KAZN: variants seen among roughly 807,000 people sequenced by gnomAD.
The protein encoded by KAZN is kazrin, periplakin interacting protein.
A neutral mutation model predicts 87.4 loss-of-function variants in KAZN; 40 were observed. The observed-to-expected ratio is 0.46, with a 90% CI of 0.36 to 0.60. The LOEUF is 0.60. Among genes scored for constraint, KAZN ranks in the 20% least tolerant of loss-of-function variants. The pLI, the probability that KAZN is intolerant of heterozygous loss-of-function variation, is 0.00. For missense variants in KAZN, 898 were observed against 1,073.9 expected (o/e 0.84, Z 2.29); for synonymous variants, 466 against 458.3 (o/e 1.02, Z -0.22).
Position 14,008,148 on chromosome 1 carries a change from C to A in KAZN, c.91+114392C>A, listed in dbSNP as rs186329510. On this transcript the variant is annotated intron_variant, in intron 1 of 16. Transcript: ENST00000636203. ...GCTCCCAACCCCTGTGTTTAATGTT[C>A]ATTTTCTGACCTGAAATTTGAGTTG... Among the ~76,000 whole-genome samples the A allele has an allele frequency of 1.0e-3, 159 of 152,256 alleles. 1 individual carries two copies. The highest frequency in any genetic ancestry group is 3.8e-3 in the African/African-American group (156 of 41,546).
intron 2 of KAZN, among the ~76,000 whole-genome samples, chr1:14,571,178 C>T (rs940223033): frequency 1.3e-5 from 2 of 151,438 alleles, no homozygotes; most frequent in African/African-American, 4.9e-5. Flanking sequence ...CTTGTAGAAA[C>T]GTACATAGAA....
chr1:14,845,331 G>A (rs543069361), intron 1 of KAZN, among the ~76,000 whole-genome samples: 129 of 150,120 alleles, frequency 8.6e-4, no homozygotes, highest in African/African-American at 2.4e-3. Flanking sequence ...GTGGATGGAC[G>A]GATGGATGGA....
intron 1 of KAZN, among the ~76,000 whole-genome samples, chr1:14,032,024 G>T (rs894520278): frequency 2.0e-5 from 3 of 152,174 alleles, no homozygotes; most frequent in Non-Finnish European, 4.4e-5. Flanking sequence ...CTGGCTGGCT[G>T]TTAAAAGATC....
At chr1:14,883,347 A>G (rs1176260122) in intron 1 of KAZN, among the ~76,000 whole-genome samples, 12 of 33,108 alleles carry the variant, frequency 3.6e-4, no homozygotes, top group African/African-American at 4.5e-4. Flanking sequence ...AGAGAGAAAG[A>G]AAGAAAGAAA....
rs1157025483 is a variant in KAZN at position 14,773,030 on chromosome 1, C to G, written c.226+173807C>G. 6.6e-6 allele frequency among the ~76,000 whole-genome samples: 1 copy of G among 152,072 alleles called. No individual in the cohort carries two copies. On this transcript the variant is annotated intron_variant, in intron 1 of 14. Coordinates refer to ENST00000376030, the MANE Select transcript of KAZN (RefSeq NM_201628.3). The surrounding 1 kb of genome is among the most constrained non-coding windows in gnomAD (Gnocchi z 5.9). ...GAATGGTATGAATGTCCACAGGCGG[C>G]CTCTTCATGGGGGTCTCAGGAAATG...
chr1:15,100,677 T>C (rs1214870848), intron 10 of KAZN, among the ~76,000 whole-genome samples: 2 of 152,220 alleles, frequency 1.3e-5, no homozygotes, highest in Non-Finnish European at 2.9e-5. Context: ...CAAGGAAATC[T>C]GAGACCTGGC....
intron 2 of KAZN, among the ~76,000 whole-genome samples, chr1:14,380,922 T>C (rs1661312204): frequency 6.6e-6 from 1 of 152,154 alleles, no homozygotes; most frequent in Non-Finnish European, 1.5e-5. Context: ...CATCAAGGCA[T>C]TTAATAATCA....
intron 2 of KAZN, among the ~76,000 whole-genome samples, chr1:14,262,745 T>G (rs893852759): frequency 1.3e-5 from 2 of 152,216 alleles, no homozygotes; most frequent in Non-Finnish European, 2.9e-5. Context: ...GAGCCATTTC[T>G]CCAGCTATCT....
At chr1:14,148,802 C>G (rs1189328249) in intron 1 of KAZN, among the ~76,000 whole-genome samples, 1 of 152,128 alleles carries the variant, frequency 6.6e-6, no homozygotes, top group Non-Finnish European at 1.5e-5. Context: ...CCCCAAAATG[C>G]CAGGATTTCT....
At chr1:13,966,278 C>T (rs1342718096) in intron 1 of KAZN, among the ~76,000 whole-genome samples, 1 of 152,126 alleles carries the variant, frequency 6.6e-6, no homozygotes, top group African/African-American at 2.4e-5. Context: ...ACAGCAATAG[C>T]GATAGGAGGC....
intron 1 of KAZN, among the ~76,000 whole-genome samples, chr1:14,626,166 T>C (rs1260919969): frequency 6.6e-6 from 1 of 152,204 alleles, no homozygotes; most frequent in Non-Finnish European, 1.5e-5. Flanking sequence ...TTAGAGGCCT[T>C]TTATTCTGTC....
intron 1 of KAZN, among the ~76,000 whole-genome samples, chr1:14,615,170 A>G (rs568569170): frequency 2.0e-5 from 3 of 152,312 alleles, no homozygotes; most frequent in South Asian, 2.1e-4. Context: ...GAAGCACTCT[A>G]TGATTGACAG....
intron 1 of KAZN, among the ~76,000 whole-genome samples, chr1:14,081,209 A>G: frequency 6.6e-6 from 1 of 152,098 alleles, no homozygotes; most frequent in Non-Finnish European, 1.5e-5. Flanking sequence ...TTAGTTGTCA[A>G]TTAAATTTAG....
intron 1 of KAZN, among the ~76,000 whole-genome samples, chr1:14,750,688 CTTG>C (rs1417388600): frequency 6.6e-6 from 1 of 151,954 alleles, no homozygotes; most frequent in African/African-American, 2.4e-5. Flanking sequence ...AATTCCTAGA[CTTG>C]TTAATTACTC....
chr1:14,206,669 C>T (rs1018080933), intron 2 of KAZN, among the ~76,000 whole-genome samples: 4 of 150,144 alleles, frequency 2.7e-5, no homozygotes, highest in Non-Finnish European at 3.0e-5. Context: ...TACCCAGTAC[C>T]ATCCCTTTTA....
At chr1:14,683,966 G>C (rs1640819379) in intron 1 of KAZN, among the ~76,000 whole-genome samples, 1 of 152,144 alleles carries the variant, frequency 6.6e-6, no homozygotes, top group Admixed American at 6.5e-5. Context: ...TGGAGTATTT[G>C]TATTTCTTCT....
At position 14,338,284 on chromosome 1, in the gene KAZN, G is replaced by A. The variant is rs544142180; in HGVS notation, c.249+157692G>A. ...AGGTCAGGAGCTTGAGACTAGCCTGGCCAACATGGCGAAACCCCATCTCCA... is the reference window on the plus strand; with the variant it reads ...AGGTCAGGAGCTTGAGACTAGCCTGACCAACATGGCGAAACCCCATCTCCA... On this transcript the variant is annotated intron_variant, in intron 2 of 16. Coordinates refer to the KAZN transcript ENST00000636203. 1.0e-3 allele frequency among the ~76,000 whole-genome samples: 151 copies of A among 150,530 alleles called. 3 individuals carry two copies. In the South Asian group the frequency reaches 0.012, roughly 12 times the overall value.
chr1:15,050,128 T>A (rs1674181571), intron 4 of KAZN, among the ~76,000 whole-genome samples: 1 of 125,962 alleles, frequency 7.9e-6, no homozygotes, highest in African/African-American at 3.5e-5. Context: ...GTAGAGTAGG[T>A]CTCCATCTCA....
chr1:14,445,359 A>C (rs1282426576), intron 2 of KAZN, among the ~76,000 whole-genome samples: 4 of 152,180 alleles, frequency 2.6e-5, no homozygotes, highest in Non-Finnish European at 5.9e-5. Flanking sequence ...AAAATGTGGA[A>C]ACAGACACAT....
Sources: allele counts gnomAD v4.1 joint callset (sites outside exome capture counted in the v4.1 genomes callset), GRCh38; gene constraint gnomAD v4.1.1; non-coding constraint Gnocchi (gnomAD v3.1); transcripts MANE v1.5; gene names NCBI Gene and HGNC (gene_info 2026-07-23, HGNC 2026-07-21).